The following BABAM2 variants were observed in gnomAD, a reference collection of about 807,000 sequenced individuals.
BABAM2 encodes BRISC and BRCA1-A complex member 2.
BABAM2 carries 31 observed loss-of-function variants against 54.7 expected under a neutral mutation model. The ratio of observed to expected loss-of-function variants is 0.57; its 90% CI spans 0.43 to 0.77. The LOEUF (loss-of-function observed/expected upper bound fraction) is 0.77. Among genes scored for constraint, BABAM2 ranks in the 30% least tolerant of loss-of-function variants. The pLI, the probability that BABAM2 is intolerant of heterozygous loss-of-function variation, is 0.00. For synonymous variants in BABAM2, 167 were observed against 162.9 expected (o/e 1.03, Z -0.19); for missense variants, 364 against 455.8 (o/e 0.80, Z 1.83).
At chr2:28,189,202 A>G (rs1220781265) in intron 7 of BABAM2, among the ~76,000 whole-genome samples, 1 of 150,992 alleles carries the variant, frequency 6.6e-6, no homozygotes, top group Admixed American at 6.6e-5. Context: ...TCCCTCTCAA[A>G]AAAAAAAAAA....
intron 7 of BABAM2, among the ~76,000 whole-genome samples, chr2:28,184,251 C>CT (rs1675995601): frequency 1.5e-5 from 1 of 66,240 alleles, no homozygotes; most frequent in African/African-American, 5.9e-5. Context: ...TCTCTCTCTC[C>CT]CTCCCTCCCT....
intron 2 of BABAM2, among the ~76,000 whole-genome samples, chr2:27,900,188 T>C (rs1430146852): frequency 6.6e-5 from 10 of 152,152 alleles, no homozygotes; most frequent in Non-Finnish European, 1.5e-4. Flanking sequence ...CTCGAAGAGG[T>C]ATACCCTATA....
At chr2:28,003,112 A>T (rs1432945722) in intron 4 of BABAM2, among the ~76,000 whole-genome samples, 1 of 152,158 alleles carries the variant, frequency 6.6e-6, no homozygotes, top group Non-Finnish European at 1.5e-5. Context: ...GAATTATGTG[A>T]CTTCTTGGTG....
intron 6 of BABAM2, among the ~76,000 whole-genome samples, chr2:28,126,316 C>G (rs1669529940): frequency 7.6e-6 from 1 of 131,898 alleles, no homozygotes; most frequent in Non-Finnish European, 1.6e-5. Context: ...ACAACAGTCC[C>G]CAGAGTGTGA....
intron 7 of BABAM2, among the ~76,000 whole-genome samples, chr2:28,232,710 T>TA (rs1228605219): frequency 6.6e-6 from 1 of 152,192 alleles, no homozygotes; most frequent in African/African-American, 2.4e-5. Context: ...ACAGTAAACA[T>TA]ACGGTATTGT....
intron 6 of BABAM2, among the ~76,000 whole-genome samples, chr2:28,097,860 A>T (rs1038960244): frequency 1.3e-5 from 2 of 152,202 alleles, no homozygotes. Flanking sequence ...GCTCACTAGC[A>T]CTTTCCCCTC....
At chr2:28,095,166 C>T (rs1666501327) in intron 6 of BABAM2, among the ~76,000 whole-genome samples, 1 of 151,992 alleles carries the variant, frequency 6.6e-6, no homozygotes, top group Admixed American at 6.6e-5. Flanking sequence ...CATAGCAGTC[C>T]CGTCATTTTA....
At chr2:28,118,963 A>C (rs754605679) in intron 6 of BABAM2, among the ~76,000 whole-genome samples, 24 of 151,874 alleles carry the variant, frequency 1.6e-4, no homozygotes, top group Non-Finnish European at 2.8e-4. Flanking sequence ...TTTTCCCAGC[A>C]ACATACTGAA....
intron 7 of BABAM2, among the ~76,000 whole-genome samples, chr2:28,204,279 A>G (rs1678589904): frequency 6.6e-6 from 1 of 152,188 alleles, no homozygotes; most frequent in East Asian, 1.9e-4. Flanking sequence ...GTACCTTTCT[A>G]GAGAAAAATG....
At chr2:28,206,080 G>A (rs909902588) in intron 7 of BABAM2, among the ~76,000 whole-genome samples, 1 of 152,082 alleles carries the variant, frequency 6.6e-6, no homozygotes, top group Non-Finnish European at 1.5e-5. Flanking sequence ...CCTACAATGA[G>A]CAAATGCATT....
chr2:28,120,120 T>C (rs1460049144), intron 6 of BABAM2, among the ~76,000 whole-genome samples: 1 of 152,242 alleles, frequency 6.6e-6, no homozygotes, highest in South Asian at 2.1e-4. Context: ...CTTTAGTCTT[T>C]ACACATTTGT....
At chr2:27,970,207 T>A (rs1671105688) in intron 3 of BABAM2, among the ~76,000 whole-genome samples, 1 of 152,240 alleles carries the variant, frequency 6.6e-6, no homozygotes, top group African/African-American at 2.4e-5. Context: ...TTCAATGAAG[T>A]CATCTGTTAG....
chr2:27,946,882 C>T (rs919720406), intron 3 of BABAM2, among the ~76,000 whole-genome samples: 2 of 152,018 alleles, frequency 1.3e-5, no homozygotes, highest in South Asian at 4.1e-4. Context: ...ATTGGCATAC[C>T]GTTATTCATC....
intron 4 of BABAM2, among the ~76,000 whole-genome samples, chr2:28,020,084 G>C (rs1006464675): frequency 6.6e-6 from 1 of 152,164 alleles, no homozygotes; most frequent in East Asian, 1.9e-4. Context: ...GTTCTGCAAG[G>C]CTCAGAATTT....
At chr2:28,195,826 C>T (rs149879948) in intron 7 of BABAM2, among the ~76,000 whole-genome samples, 1,563 of 152,244 alleles carry the variant, frequency 0.01, 28 homozygotes, top group African/African-American at 0.036. Context: ...CTACCTAATT[C>T]AAAAGTAGTT....
At chr2:28,186,413 A>G (rs1418550939) in intron 7 of BABAM2, among the ~76,000 whole-genome samples, 1 of 152,174 alleles carries the variant, frequency 6.6e-6, no homozygotes, top group East Asian at 1.9e-4. Context: ...AACATTTTAG[A>G]GGATGTTACA....
chr2:28,102,438 A>G (rs1425099111), intron 6 of BABAM2, among the ~76,000 whole-genome samples: 1 of 152,220 alleles, frequency 6.6e-6, no homozygotes, highest in East Asian at 1.9e-4. Flanking sequence ...GGAAGGTGAC[A>G]TAGAGATCCA....
chr2:27,937,581 T>C (rs1030294527), intron 3 of BABAM2, among the ~76,000 whole-genome samples: 1 of 152,240 alleles, frequency 6.6e-6, no homozygotes, highest in Admixed American at 6.5e-5. Context: ...ATGTTGAACA[T>C]TTTTTCATAT....
chr2:28,272,004 T>C (rs1264668503), intron 10 of BABAM2, among the ~76,000 whole-genome samples: 1 of 152,114 alleles, frequency 6.6e-6, no homozygotes, highest in Non-Finnish European at 1.5e-5. Context: ...TACAAATACA[T>C]TTTGGAAGGG....
Sources: gnomAD v4.1 joint callset for allele counts (sites outside exome capture counted in the v4.1 genomes callset) on GRCh38, gnomAD v4.1.1 for gene constraint, MANE v1.5 for transcripts, NCBI Gene and HGNC (gene_info 2026-07-23, HGNC 2026-07-21) for gene names.